The following CNKSR2 variants were observed in gnomAD, a reference collection of about 807,000 sequenced individuals.
CNKSR2 encodes CNK homolog protein 2.
CNKSR2 carries 14 observed loss-of-function variants against 84.4 expected under a neutral mutation model. The ratio of observed to expected loss-of-function variants is 0.17; its 90% CI spans 0.11 to 0.26. The LOEUF (loss-of-function observed/expected upper bound fraction) is 0.26, where lower values mean the gene tolerates loss of function less well. Among genes scored for constraint, CNKSR2 ranks in the 10% least tolerant of loss-of-function variants. The pLI is 1.00. For synonymous variants in CNKSR2, 275 were observed against 277.9 expected, an observed-to-expected ratio of 0.99 and a Z score of 0.10; for missense variants, 485 against 771.2, an observed-to-expected ratio of 0.63 and a Z score of 4.40.
At chrX:21,651,820 T>C (rs2092721477) in intron 21 of CNKSR2, among the ~76,000 whole-genome samples, 1 of 111,911 alleles carries the variant, frequency 8.9e-6, no homozygotes, top group Non-Finnish European at 1.9e-5. Flanking sequence ...GCAAGAATTA[T>C]GTATTTGTGG....
At chrX:21,540,127 C>T (rs753797254) in intron 11 of CNKSR2, among the ~76,000 whole-genome samples, 18 of 112,174 alleles carry the variant, frequency 1.6e-4, no homozygotes, top group Non-Finnish European at 3.4e-4. Context: ...ATCACAGTCA[C>T]TTCAGGTAAG....
chrX:21,547,847 T>G (rs773651333), intron 11 of CNKSR2, among the ~76,000 whole-genome samples: 1 of 111,971 alleles, frequency 8.9e-6, no homozygotes, highest in South Asian at 3.7e-4. Flanking sequence ...ATAATGAAAT[T>G]AAGGCAGAAA....
intron 1 of CNKSR2, among the ~76,000 whole-genome samples, chrX:21,405,596 A>G (rs1391934324): frequency 1.8e-5 from 2 of 111,428 alleles, no homozygotes; most frequent in Non-Finnish European, 1.9e-5. Flanking sequence ...AGTAAATAAT[A>G]TTATGCATAT....
intron 15 of CNKSR2, chrX:21,593,615 C>T (rs2092434021): frequency 9.0e-6 from 1 of 111,583 alleles, no homozygotes; most frequent in South Asian, 3.7e-4. Context: ...GTTGGGATAA[C>T]TCGTATCTAA....
At chrX:21,577,654 C>T (rs1042265977) in intron 13 of CNKSR2, among the ~76,000 whole-genome samples, 1 of 110,245 alleles carries the variant, frequency 9.1e-6, no homozygotes, top group African/African-American at 3.3e-5. Context: ...TCACCCTACT[C>T]GTATTACCTT....
intron 8 of CNKSR2, among the ~76,000 whole-genome samples, chrX:21,511,056 A>T (rs1345364423): frequency 9.0e-6 from 1 of 111,622 alleles, no homozygotes; most frequent in Non-Finnish European, 1.9e-5. Flanking sequence ...ACTACAAAAT[A>T]TTTTTCTGGA....
chrX:21,433,672 A>G (rs1385179466), intron 3 of CNKSR2, among the ~76,000 whole-genome samples: 4 of 108,330 alleles, frequency 3.7e-5, no homozygotes, highest in Non-Finnish European at 7.7e-5. Flanking sequence ...ACACACACAC[A>G]CACACACACA....
At chrX:21,647,798 T>A (rs969380367) in intron 20 of CNKSR2, among the ~76,000 whole-genome samples, 1 of 111,515 alleles carries the variant, frequency 9.0e-6, no homozygotes, top group Non-Finnish European at 1.9e-5. Context: ...ACATGGACCA[T>A]TGTGGAATGA....
At chrX:21,643,600 C>A (rs1316135693) in intron 20 of CNKSR2, 1 of 111,337 alleles carries the variant, frequency 9.0e-6, no homozygotes, top group Non-Finnish European at 1.9e-5. Flanking sequence ...TTGGTGGAGT[C>A]ACTCAAACTG....
intron 3 of CNKSR2, among the ~76,000 whole-genome samples, chrX:21,437,608 C>G (rs369306129): frequency 9.2e-6 from 1 of 108,354 alleles, no homozygotes; most frequent in African/African-American, 3.4e-5. Flanking sequence ...TTAGAAGAGA[C>G]GGGGTTTCAC....
chrX:21,436,487 G>A (rs1569167277), intron 3 of CNKSR2, among the ~76,000 whole-genome samples: 1 of 111,468 alleles, frequency 9.0e-6, no homozygotes, highest in Non-Finnish European at 1.9e-5. Flanking sequence ...GATTTAAGGA[G>A]TACAGTCGCT....
In CNKSR2 at chrX:21,424,901, A is replaced by G. The variant is rs188426927; in HGVS notation, c.65-1596A>G. On this transcript the variant is annotated intron_variant, in intron 1 of 21. Transcript: ENST00000379510. ...AATTTACATGTTTATTTTATTTACA[A>G]ATAACTCAGTGAACTCTCACACAGA... is the stretch of plus-strand genomic sequence containing the variant. 4 of 111,940 alleles carry G rather than the reference A, an allele frequency of 3.6e-5. No individual in the cohort carries two copies. In the East Asian group the frequency reaches 1.1e-3, roughly 31 times the overall value. The allele number at this position is 111,940 out of a possible 1,213,427, so 9.2% of individuals were successfully genotyped here. A position where few individuals can be genotyped will look rare whatever the true frequency, so the allele number is the denominator to read the frequency against.
At chrX:21,547,993 A>G (rs1483979157) in intron 11 of CNKSR2, among the ~76,000 whole-genome samples, 2 of 112,005 alleles carry the variant, frequency 1.8e-5, no homozygotes, top group African/African-American at 6.5e-5. Context: ...TCTAAAATCG[A>G]CACCCTAACA....
intron 1 of CNKSR2, among the ~76,000 whole-genome samples, chrX:21,385,970 A>G (rs772801003): frequency 3.1e-5 from 3 of 97,211 alleles, no homozygotes; most frequent in African/African-American, 1.2e-4. Flanking sequence ...TGTATTTTGA[A>G]GTGACCCCTA....
At chrX:21,510,707 C>G (rs2091662966) in intron 8 of CNKSR2, among the ~76,000 whole-genome samples, 1 of 111,981 alleles carries the variant, frequency 8.9e-6, no homozygotes, top group Non-Finnish European at 1.9e-5. Flanking sequence ...CAAGCCCCAT[C>G]CACAAGAAAG....
chrX:21,518,881 T>C (rs1000278057), intron 9 of CNKSR2, among the ~76,000 whole-genome samples: 4 of 111,822 alleles, frequency 3.6e-5, no homozygotes, highest in African/African-American at 1.3e-4. Flanking sequence ...TATATTGACA[T>C]TTTTCTAAAT....
At chrX:21,395,480 T>C (rs902969732) in intron 1 of CNKSR2, among the ~76,000 whole-genome samples, 4 of 110,919 alleles carry the variant, frequency 3.6e-5, no homozygotes, top group African/African-American at 1.3e-4. Flanking sequence ...TTTTTTGGGA[T>C]GATCGGCTCT....
intron 1 of CNKSR2, among the ~76,000 whole-genome samples, chrX:21,383,145 C>A (rs375190851): frequency 8.9e-6 from 1 of 112,447 alleles, no homozygotes; most frequent in African/African-American, 3.2e-5. Context: ...CTAGCTAGTA[C>A]TGCAAAACAA....
intron 6 of CNKSR2, among the ~76,000 whole-genome samples, chrX:21,496,648 A>C (rs1272212570): frequency 9.0e-6 from 1 of 111,405 alleles, no homozygotes; most frequent in Non-Finnish European, 1.9e-5. Flanking sequence ...TTTTCAGTGA[A>C]GACACATGTA....
Sources: gnomAD v4.1 joint callset for allele counts (sites outside exome capture counted in the v4.1 genomes callset) on GRCh38, gnomAD v4.1.1 for gene constraint, MANE v1.5 for transcripts, NCBI Gene and HGNC (gene_info 2026-07-23, HGNC 2026-07-21) for gene names.